The following PRKCB variants were observed in gnomAD, a reference collection of about 807,000 sequenced individuals.
The protein encoded by PRKCB is protein kinase C beta type.
PRKCB carries 13 observed loss-of-function variants against 81.5 expected under a neutral mutation model. The ratio of observed to expected loss-of-function variants is 0.16; its 90% CI spans 0.10 to 0.25. The LOEUF (loss-of-function observed/expected upper bound fraction) is 0.25, where lower values mean the gene tolerates loss of function less well. PRKCB is among the 10% of genes least tolerant of loss of function. The probability of loss-of-function intolerance (pLI) is 1.00; values close to 1 mark genes in which losing one functional copy is unlikely to be tolerated. For synonymous variants in PRKCB, 335 were observed against 321.4 expected (o/e 1.04, Z -0.45); for missense variants, 509 against 875.7 (o/e 0.58, Z 5.29).
At chr16:23,881,140 C>T (rs1255031607) in intron 2 of PRKCB, among the ~76,000 whole-genome samples, 3 of 152,172 alleles carry the variant, frequency 2.0e-5, no homozygotes, top group African/African-American at 7.2e-5. Context: ...CTCTGTGATG[C>T]TCCTGGGGGC....
At chr16:24,079,355 T>C (rs933254818) in intron 5 of PRKCB, among the ~76,000 whole-genome samples, 2 of 152,160 alleles carry the variant, frequency 1.3e-5, no homozygotes, top group Non-Finnish European at 2.9e-5. Flanking sequence ...GAAGTCCGAG[T>C]ATCAGCTGGA....
chr16:24,033,991 C>T (rs558753574), intron 4 of PRKCB, among the ~76,000 whole-genome samples: 32 of 152,134 alleles, frequency 2.1e-4, no homozygotes, highest in African/African-American at 6.3e-4. Context: ...TTCACAGACA[C>T]GGCCAAGGCA....
intron 7 of PRKCB, 134 bp from the exon 8 acceptor site, chr16:24,112,833 CAAACCA>C: frequency 9.9e-6 from 2 of 201,210 alleles, no homozygotes; most frequent in African/African-American, 2.9e-5. Context: ...TACTGAAAAA[CAAACCA>C]AAACAAACCA....
At chr16:23,982,083 C>T (rs1376089986) in intron 2 of PRKCB, among the ~76,000 whole-genome samples, 2 of 96,816 alleles carry the variant, frequency 2.1e-5, no homozygotes, top group Non-Finnish European at 4.2e-5. Flanking sequence ...CCTTCCCTTT[C>T]CCTTCCCTTT....
At chr16:23,864,535 C>G (rs1962738754) in intron 2 of PRKCB, among the ~76,000 whole-genome samples, 1 of 152,098 alleles carries the variant, frequency 6.6e-6, no homozygotes, top group Non-Finnish European at 1.5e-5. Flanking sequence ...TACAAACAAA[C>G]AAAATAAGAG....
At chr16:24,211,578 G>A (rs967037939) in intron 16 of PRKCB, among the ~76,000 whole-genome samples, 5 of 138,818 alleles carry the variant, frequency 3.6e-5, no homozygotes, top group Non-Finnish European at 7.6e-5. Context: ...TTTTTTTTGC[G>A]ATGGAGTTTC....
chr16:24,163,544 G>T (rs971946420), intron 10 of PRKCB, among the ~76,000 whole-genome samples: 1 of 152,208 alleles, frequency 6.6e-6, no homozygotes, highest in East Asian at 1.9e-4. Flanking sequence ...AAGAATAGAG[G>T]TAGTTCTAGC....
chr16:23,907,030 A>G (rs775953893), intron 2 of PRKCB, among the ~76,000 whole-genome samples: 1 of 151,800 alleles, frequency 6.6e-6, no homozygotes, highest in Non-Finnish European at 1.5e-5. Context: ...TGCTGGGAGG[A>G]ATTTAGTTAC....
At chr16:23,844,766 C>G (rs1412745736) in intron 2 of PRKCB, among the ~76,000 whole-genome samples, 1 of 151,916 alleles carries the variant, frequency 6.6e-6, no homozygotes, top group Non-Finnish European at 1.5e-5. Context: ...CTCGGTCTCC[C>G]AAAGTGCTGA....
At chr16:23,920,602 G>A (rs1246426232) in intron 2 of PRKCB, among the ~76,000 whole-genome samples, 1 of 152,208 alleles carries the variant, frequency 6.6e-6, no homozygotes, top group African/African-American at 2.4e-5. Context: ...GTGTGATAAG[G>A]GAAGGTTACC....
At position 24,219,274 on chromosome 16, in the gene PRKCB, T is replaced by TGTTTA; in HGVS notation, c.*4458_*4459insGTTTA. ...TGTTTTGTTTTGTTTTGTTTTGTTT[T>TGTTTA]AAGGCTCCCCTTACACACCCTCCTT... On this transcript the variant is annotated 3_prime_UTR_variant, in exon 17 of 17. Coordinates refer to ENST00000643927, the MANE Select transcript of PRKCB (RefSeq NM_002738.7). 1.0e-6 allele frequency: 1 copy of TGTTTA among 985,386 alleles called. No homozygotes were observed. The highest frequency in any genetic ancestry group is 1.2e-6 in the Non-Finnish European group (1 of 830,050). The allele number at this position is 985,386 out of a possible 1,614,324, so 61.0% of individuals were successfully genotyped here.
intron 7 of PRKCB, among the ~76,000 whole-genome samples, chr16:24,108,768 G>T (rs56333429): frequency 6.8e-6 from 1 of 146,176 alleles, no homozygotes; most frequent in South Asian, 2.2e-4. Context: ...ACACAGACAC[G>T]GCAACCATCC....
At chr16:24,167,906 A>T (rs1967372509) in intron 10 of PRKCB, among the ~76,000 whole-genome samples, 1 of 152,216 alleles carries the variant, frequency 6.6e-6, no homozygotes, top group African/African-American at 2.4e-5. Context: ...GGAGAGAATG[A>T]TTATACTTGT....
At chr16:24,000,901 G>C (rs72779928) in intron 3 of PRKCB, among the ~76,000 whole-genome samples, 2 of 152,226 alleles carry the variant, frequency 1.3e-5, no homozygotes, top group East Asian at 1.9e-4. Flanking sequence ...GCTATGTATT[G>C]CTCCAATGAC....
chr16:23,915,833 C>T (rs1963729466), intron 2 of PRKCB, among the ~76,000 whole-genome samples: 1 of 151,414 alleles, frequency 6.6e-6, no homozygotes, highest in Non-Finnish European at 1.5e-5. Flanking sequence ...TAAAAATCAC[C>T]TCTAATTCCA....
intron 5 of PRKCB, among the ~76,000 whole-genome samples, chr16:24,041,793 G>C (rs999992339): frequency 1.3e-5 from 2 of 151,964 alleles, no homozygotes; most frequent in Non-Finnish European, 2.9e-5. Context: ...AGGAGTTCAA[G>C]ACCAACGTGA....
rs59288831 is a variant in PRKCB, at chr16:23,841,649, C to CTTTTTT, written c.205+4262_205+4267dup. Among the ~76,000 whole-genome samples the CTTTTTT allele has an allele frequency of 7.5e-3, 441 of 59,028 alleles. 10 individuals are homozygous for CTTTTTT. The highest frequency in any genetic ancestry group is 9.8e-3 in the East Asian group (16 of 1,640). 38.7% of individuals were successfully genotyped at this position (59,028 alleles called of 152,430 possible). On this transcript the variant is annotated intron_variant, in intron 2 of 16. Coordinates refer to ENST00000643927, the MANE Select transcript of PRKCB (RefSeq NM_002738.7). Reference sequence around the variant, plus strand: ...ACTGCAGGTGTGTGTCACCACGGCCCTTTTTTTTTTTTTTTTTTTTTTTTG... The same window carrying CTTTTTT: ...ACTGCAGGTGTGTGTCACCACGGCCCTTTTTTTTTTTTTTTTTTTTTTTTTTTTTTG...
At chr16:24,030,248 T>G (rs917202186) in intron 3 of PRKCB, among the ~76,000 whole-genome samples, 18 of 152,292 alleles carry the variant, frequency 1.2e-4, no homozygotes, top group Admixed American at 6.5e-4. Flanking sequence ...TCTCTTGAAC[T>G]AAAACCAATT....
intron 2 of PRKCB, among the ~76,000 whole-genome samples, chr16:23,976,231 A>G (rs169030): frequency 0.97 from 147,859 of 152,152 alleles, 71,875 homozygotes; most frequent in East Asian, 1. Flanking sequence ...CCAGGTGCTC[A>G]AGGTTGCAGT....
Sources: gnomAD v4.1 joint callset for allele counts (sites outside exome capture counted in the v4.1 genomes callset) on GRCh38, gnomAD v4.1.1 for gene constraint, MANE v1.5 for transcripts, NCBI Gene and HGNC (gene_info 2026-07-23, HGNC 2026-07-21) for gene names.